The following RYR2 variants were observed in gnomAD, a reference collection of about 807,000 sequenced individuals.
RYR2 encodes the protein cardiac muscle ryanodine receptor-calcium release channel.
Under a neutral mutation model 601.1 loss-of-function variants are expected in RYR2, and 227 were observed. That is an observed-to-expected ratio of 0.38 (90% CI 0.34 to 0.42). The LOEUF is 0.42. RYR2 is among the 10% of genes least tolerant of loss of function. RYR2 has a pLI of 1.00. For synonymous variants in RYR2, 2,223 were observed against 2,175.1 expected, an observed-to-expected ratio of 1.02 and a Z score of -0.61; for missense variants, 4,646 against 6,156.5, an observed-to-expected ratio of 0.75 and a Z score of 8.21.
intron 25 of RYR2, among the ~76,000 whole-genome samples, chr1:237,547,529 T>A (rs1365297780): frequency 6.6e-6 from 1 of 152,090 alleles, no homozygotes; most frequent in African/African-American, 2.4e-5. Flanking sequence ...CAGAAACAGA[T>A]CCTGACCTCA....
chr1:237,416,153 T>C (rs1272887329), intron 10 of RYR2, among the ~76,000 whole-genome samples: 1 of 152,188 alleles, frequency 6.6e-6, no homozygotes, highest in African/African-American at 2.4e-5. Context: ...TTGATGACTT[T>C]AGCAAAGTCT....
At chr1:237,093,194 A>C (rs1035727881) in intron 1 of RYR2, among the ~76,000 whole-genome samples, 1 of 152,224 alleles carries the variant, frequency 6.6e-6, no homozygotes, top group Non-Finnish European at 1.5e-5. Context: ...ATTGGACAGC[A>C]GTGATTCCAT....
intron 1 of RYR2, among the ~76,000 whole-genome samples, chr1:237,143,196 T>C (rs1246734924): frequency 6.6e-6 from 1 of 152,226 alleles, no homozygotes; most frequent in Non-Finnish European, 1.5e-5. Flanking sequence ...TGAATCACTA[T>C]GTAAAACATA....
rs952803677 is a variant in RYR2, at chr1:237,731,931, G to A, written c.10936-115G>A. 8 of 469,402 alleles carry A rather than the reference G, an allele frequency of 1.7e-5. No individual in the cohort carries two copies. In the African/African-American group the frequency reaches 1.9e-4, roughly 11 times the overall value. The allele number at this position is 469,402 out of a possible 1,614,324, so 29.1% of individuals were successfully genotyped here. ...ACACACACACACACCCCACAACAGG[G>A]AAGGAGGAACGTTCGCATTCCTTTT... On this transcript the variant is annotated intron_variant, in intron 77 of 104. Coordinates refer to ENST00000366574, the MANE Select transcript of RYR2 (RefSeq NM_001035.3).
chr1:237,234,604 T>C, intron 1 of RYR2, among the ~76,000 whole-genome samples: 1 of 152,340 alleles, frequency 6.6e-6, no homozygotes, highest in South Asian at 2.1e-4. Flanking sequence ...ATATGTAAAT[T>C]GAAATGTTGC....
Position 237,566,570 on chromosome 1 carries a change from C to A in RYR2, c.3218C>A (p.Ala1073Asp), listed in dbSNP as rs752172893. ...NLEAPDQDHAARAEVCSGTGE... is the reference protein window; with the variant it reads ...NLEAPDQDHADRAEVCSGTGE... ...GAAATCTCTGTCCATTTCCCAGCAG[C>A]CAGAGCCGAAGTGTGCAGCGGCACC... is the stretch of plus-strand genomic sequence containing the variant. Residue 1073 changes from alanine (A) to aspartate (D), a missense_variant, in exon 28 of 105, where the codon GCC becomes GAC. Physicochemically the swap from Ala to Asp is moderately radical, Grantham distance 126. Coordinates refer to ENST00000366574, the MANE Select transcript of RYR2 (RefSeq NM_001035.3). 2 of 1,612,576 alleles carry A rather than the reference C, an allele frequency of 1.2e-6. No homozygotes were observed.
chr1:237,659,903 A>C, intron 54 of RYR2, 82 bp from the exon 55 acceptor site: 1 of 798,502 alleles, frequency 1.3e-6, no homozygotes, highest in Non-Finnish European at 2.0e-6. Flanking sequence ...ATTTTATCAA[A>C]CACGCACTTA....
At chr1:237,302,535 G>A (rs1421984024) in intron 2 of RYR2, among the ~76,000 whole-genome samples, 1 of 152,096 alleles carries the variant, frequency 6.6e-6, no homozygotes, top group East Asian at 1.9e-4. Flanking sequence ...GTAAACTGGT[G>A]TCCCTGAATT....
intron 29 of RYR2, among the ~76,000 whole-genome samples, chr1:237,584,065 C>G (rs1572972212): frequency 3.3e-5 from 5 of 152,306 alleles, no homozygotes; most frequent in African/African-American, 1.2e-4. Flanking sequence ...GAAAACTTCC[C>G]TTATATATCA....
intron 83 of RYR2, among the ~76,000 whole-genome samples, chr1:237,760,556 G>A (rs999157755): frequency 2.6e-5 from 4 of 151,712 alleles, no homozygotes; most frequent in African/African-American, 7.3e-5. Flanking sequence ...TGCGGTAATC[G>A]TTTTCCATTT....
intron 93 of RYR2, 119 bp from the exon 94 acceptor site, chr1:237,791,986 C>T: frequency 1.4e-6 from 1 of 710,742 alleles, no homozygotes; most frequent in Non-Finnish European, 2.4e-6. Flanking sequence ...TTAGTCCTTT[C>T]ATTATGCAGT....
chr1:237,525,842 T>G (rs1361342609), intron 24 of RYR2, among the ~76,000 whole-genome samples: 1 of 151,908 alleles, frequency 6.6e-6, no homozygotes, highest in Admixed American at 6.6e-5. Flanking sequence ...TAGCTGGGTA[T>G]GGTGGTGAGC....
chr1:237,710,975 G>A (rs754984785), intron 70 of RYR2, among the ~76,000 whole-genome samples: 3 of 152,132 alleles, frequency 2.0e-5, no homozygotes, highest in Non-Finnish European at 2.9e-5. Context: ...TGCCTCATGG[G>A]AAAATAGGGG....
In RYR2 at chr1:237,411,397, G is replaced by A. The variant is rs146987844; in HGVS notation, c.774-5652G>A. ...TAGGTAGGCTTCATTTCCTAGTTACGTTGTCCCGAGCGATTTTATAATTTA... is the reference window on the plus strand; with the variant it reads ...TAGGTAGGCTTCATTTCCTAGTTACATTGTCCCGAGCGATTTTATAATTTA... On this transcript the variant is annotated intron_variant, in intron 10 of 104. Coordinates refer to ENST00000366574, the MANE Select transcript of RYR2 (RefSeq NM_001035.3). Among the ~76,000 whole-genome samples the A allele has an allele frequency of 8.4e-3, 1,282 of 152,206 alleles. 28 individuals are homozygous for A. Among genetic ancestry groups the A allele is most frequent in the African/African-American group, 0.03 (1,232 of 41,520 alleles).
chr1:237,655,665 C>T lies in RYR2; in HGVS notation c.7966-156C>T, dbSNP rs58028945. On this transcript the variant is annotated intron_variant, in intron 52 of 104. Coordinates refer to ENST00000366574, the MANE Select transcript of RYR2 (RefSeq NM_001035.3). ...CTTTTCTGTTTGATGGGGTTTTAGGCCCTGTGTTTCATTTTCTGGAAAAAG... is the reference window on the plus strand; with the variant it reads ...CTTTTCTGTTTGATGGGGTTTTAGGTCCTGTGTTTCATTTTCTGGAAAAAG... 3.5e-3 allele frequency among the ~76,000 whole-genome samples: 537 copies of T among 152,156 alleles called. 10 individuals carry two copies. The highest frequency in any genetic ancestry group is 0.017 in the Admixed American group (261 of 15,266).
At chr1:237,465,343 TTTA>T (rs1424277344) in intron 16 of RYR2, among the ~76,000 whole-genome samples, 2 of 152,322 alleles carry the variant, frequency 1.3e-5, no homozygotes, top group South Asian at 2.1e-4. Flanking sequence ...CTAAATTTGA[TTTA>T]TTAATTTCAT....
intron 17 of RYR2, among the ~76,000 whole-genome samples, chr1:237,483,009 G>T (rs1662286166): frequency 6.6e-6 from 1 of 152,036 alleles, no homozygotes; most frequent in Non-Finnish European, 1.5e-5. Flanking sequence ...ACTTTCTGTG[G>T]TTCTGCCCAC....
intron 58 of RYR2, among the ~76,000 whole-genome samples, chr1:237,668,247 T>C (rs1684497137): frequency 6.6e-6 from 1 of 152,174 alleles, no homozygotes; most frequent in Admixed American, 6.5e-5. Flanking sequence ...TAGACTTCCC[T>C]CCCTGACTCT....
intron 10 of RYR2, among the ~76,000 whole-genome samples, chr1:237,399,437 C>G (rs1269716951): frequency 6.6e-6 from 1 of 152,050 alleles, no homozygotes; most frequent in Non-Finnish European, 1.5e-5. Flanking sequence ...CTTGAAGGAA[C>G]TTTGTGGCGT....
Sources: gnomAD v4.1 joint callset for allele counts (sites outside exome capture counted in the v4.1 genomes callset) on GRCh38, gnomAD v4.1.1 for gene constraint, MANE v1.5 for transcripts, NCBI Gene and HGNC (gene_info 2026-07-23, HGNC 2026-07-21) for gene names.